Variants in ATXN1 observed in about 807,000 individuals in gnomAD.
ATXN1 encodes the protein ataxin 1, also known as ataxin-1.
In ATXN1, 8 loss-of-function variants were observed where a neutral mutation model predicts 56.4. That is an observed-to-expected ratio of 0.14 (90% CI 0.08 to 0.26). The LOEUF (loss-of-function observed/expected upper bound fraction) is 0.26. Ranked by LOEUF, ATXN1 falls within the 10% of genes least tolerant of loss-of-function variation. The pLI is 1.00. For synonymous variants in ATXN1, 514 were observed against 494.6 expected (o/e 1.04, Z -0.52); for missense variants, 987 against 1,106.5 (o/e 0.89, Z 1.53).
At chr6:16,347,250 C>T (rs1364649271) in intron 6 of ATXN1, among the ~76,000 whole-genome samples, 1 of 152,038 alleles carries the variant, frequency 6.6e-6, no homozygotes, top group Non-Finnish European at 1.5e-5. Context: ...CAGGCAGCTC[C>T]ACCTACTGCC....
chr6:16,328,232 C>G lies in ATXN1; in HGVS notation c.79G>C (p.Glu27Gln), dbSNP rs551689167. ...CTGGGCAGGGTAGGGGCCTTCTCCT[C>G]GGAGGACCGGCTGGTGGCGGGGATC... is the stretch of plus-strand genomic sequence containing the variant. Reference protein sequence around the residue: ...REIPATSRSSEEKAPTLPSDN... With the variant: ...REIPATSRSSQEKAPTLPSDN... Residue 27 changes from glutamate to glutamine, a missense_variant, in exon 7 of 8, where the codon GAG (glutamate) becomes CAG (glutamine). Glu to Gln is a conservative substitution (Grantham distance 29). This residue lies in a region of ATXN1 where 723 missense variants were observed against 791.7 expected (regional missense o/e 0.91). Coordinates refer to ENST00000436367, the MANE Select transcript of ATXN1 (RefSeq NM_001128164.2). This position sits in a 1 kb window ranked among gnomAD's most constrained non-coding sequence, Gnocchi z 6.2. The G allele has an allele frequency of 1.9e-6, 3 of 1,571,090 alleles. No individual in the cohort carries two copies. The highest frequency in any genetic ancestry group is 2.6e-6 in the Non-Finnish European group (3 of 1,156,362).
chr6:16,431,049 C>T (rs2113581692), intron 6 of ATXN1, among the ~76,000 whole-genome samples: 1 of 152,028 alleles, frequency 6.6e-6, no homozygotes, highest in African/African-American at 2.4e-5. Context: ...GTCCGGAATG[C>T]ACATGTACGG....
chr6:16,324,914 G>C (rs747600984), intron 7 of ATXN1, among the ~76,000 whole-genome samples: 1 of 152,110 alleles, frequency 6.6e-6, no homozygotes, highest in Admixed American at 6.5e-5. Flanking sequence ...CTGATGCTTT[G>C]ATATTTTAGT....
chr6:16,550,021 T>TGGGGA (rs1761890158), intron 4 of ATXN1, among the ~76,000 whole-genome samples: 1 of 131,082 alleles, frequency 7.6e-6, no homozygotes, highest in Non-Finnish European at 1.6e-5. Flanking sequence ...GGGACTGGGG[T>TGGGGA]GGGGAGGGGA....
intron 4 of ATXN1, among the ~76,000 whole-genome samples, chr6:16,544,939 C>T (rs1761787556): frequency 6.6e-6 from 1 of 152,106 alleles, no homozygotes; most frequent in Non-Finnish European, 1.5e-5. Flanking sequence ...AAGCAGCTTC[C>T]TTCTCCTTCC....
chr6:16,667,931 C>CT (rs1207276362), intron 2 of ATXN1, among the ~76,000 whole-genome samples: 5 of 152,230 alleles, frequency 3.3e-5, no homozygotes. Context: ...GCAGCTCACT[C>CT]TTTCCCCAAA....
chr6:16,634,657 A>G (rs1403409167), intron 3 of ATXN1, among the ~76,000 whole-genome samples: 1 of 152,216 alleles, frequency 6.6e-6, no homozygotes. Flanking sequence ...GACCTTTCAT[A>G]TAAATGAAAT....
chr6:16,655,068 T>C (rs927669803), intron 3 of ATXN1, among the ~76,000 whole-genome samples: 2 of 152,084 alleles, frequency 1.3e-5, no homozygotes, highest in Non-Finnish European at 2.9e-5. Flanking sequence ...CAATAATAAA[T>C]GCTATTCAAC....
At chr6:16,554,437 T>C (rs1046130545) in intron 4 of ATXN1, among the ~76,000 whole-genome samples, 1 of 152,178 alleles carries the variant, frequency 6.6e-6, no homozygotes, top group African/African-American at 2.4e-5. Context: ...AATGAAATGC[T>C]GTCCCTCATG....
At chr6:16,614,778 C>T (rs1763174370) in intron 3 of ATXN1, among the ~76,000 whole-genome samples, 1 of 151,394 alleles carries the variant, frequency 6.6e-6, no homozygotes, top group African/African-American at 2.4e-5. Context: ...CAAAAATTAG[C>T]CAGGCGTGGT....
chr6:16,676,474 G>A (rs1758662822), intron 2 of ATXN1, among the ~76,000 whole-genome samples: 2 of 152,110 alleles, frequency 1.3e-5, no homozygotes, highest in South Asian at 4.1e-4. Flanking sequence ...AAATGTTAGG[G>A]ACATTGAAAC....
At chr6:16,644,513 CAAAAAAA>C (rs368108627) in intron 3 of ATXN1, among the ~76,000 whole-genome samples, 1 of 92,210 alleles carries the variant, frequency 1.1e-5, no homozygotes, top group Non-Finnish European at 2.3e-5. Flanking sequence ...GACTCCGTTT[CAAAAAAA>C]AAAAAAAAAA....
chr6:16,395,743 C>A (rs754818614), intron 6 of ATXN1, among the ~76,000 whole-genome samples: 11 of 152,058 alleles, frequency 7.2e-5, no homozygotes, highest in Non-Finnish European at 1.6e-4. Flanking sequence ...GTAGGCCGGG[C>A]GCAGTGGCTC....
chr6:16,466,088 G>A (rs937141749), intron 6 of ATXN1, among the ~76,000 whole-genome samples: 1 of 152,146 alleles, frequency 6.6e-6, no homozygotes, highest in Non-Finnish European at 1.5e-5. Context: ...AGGCCAAGGC[G>A]GGTGGACCAC....
At chr6:16,563,589 A>G (rs1762160690) in intron 4 of ATXN1, among the ~76,000 whole-genome samples, 1 of 152,126 alleles carries the variant, frequency 6.6e-6, no homozygotes, top group Admixed American at 6.6e-5. Flanking sequence ...TCAGGAGGCT[A>G]TGCCCAGAGA....
At chr6:16,549,277 G>A (rs1404286432) in intron 4 of ATXN1, among the ~76,000 whole-genome samples, 2 of 152,090 alleles carry the variant, frequency 1.3e-5, no homozygotes, top group Admixed American at 6.5e-5. Context: ...GTGCTGTACC[G>A]AATTGCATGT....
intron 4 of ATXN1, among the ~76,000 whole-genome samples, chr6:16,531,518 G>A (rs924208507): frequency 1.3e-4 from 19 of 151,970 alleles, no homozygotes; most frequent in African/African-American, 4.6e-4. Context: ...AGCTACTCAG[G>A]AGGCTGAGGC....
At chr6:16,348,697 GAA>G (rs75457709) in intron 6 of ATXN1, among the ~76,000 whole-genome samples, 1 of 145,542 alleles carries the variant, frequency 6.9e-6, no homozygotes, top group South Asian at 2.2e-4. Flanking sequence ...CTCTGCCTTA[GAA>G]AAAAAAAAAT....
chr6:16,476,763 T>C (rs1760333540), intron 6 of ATXN1, among the ~76,000 whole-genome samples: 1 of 152,200 alleles, frequency 6.6e-6, no homozygotes, highest in African/African-American at 2.4e-5. Flanking sequence ...CCCTTGGAGT[T>C]TTTCTTTTTC....
Sources: gnomAD v4.1 joint callset for allele counts (sites outside exome capture counted in the v4.1 genomes callset) on GRCh38, gnomAD v4.1.1 for gene constraint, gnomAD v4.1.1 regional missense constraint, Gnocchi (gnomAD v3.1) non-coding constraint, MANE v1.5 for transcripts, NCBI Gene and HGNC (gene_info 2026-07-23, HGNC 2026-07-21) for gene names.